Variants in NCKAP5 observed in about 807,000 individuals in gnomAD.
NCKAP5 encodes nck-associated protein 5.
NCKAP5 carries 92 observed loss-of-function variants against 167.0 expected under a neutral mutation model. The observed-to-expected ratio is 0.55, with a 90% CI of 0.47 to 0.66. The LOEUF (loss-of-function observed/expected upper bound fraction) is 0.66. Among genes scored for constraint, NCKAP5 ranks in the 30% least tolerant of loss-of-function variants. The pLI is 0.00. For synonymous variants in NCKAP5, 891 were observed against 877.4 expected (o/e 1.02, Z -0.27); for missense variants, 2,378 against 2,315.0 (o/e 1.03, Z -0.56).
intron 3 of NCKAP5, among the ~76,000 whole-genome samples, chr2:133,421,338 C>G (rs1689464387): frequency 6.6e-6 from 1 of 151,896 alleles, no homozygotes; most frequent in South Asian, 2.1e-4. Context: ...ACACATGTCT[C>G]TAATCATTAA....
chr2:132,927,140 A>G (rs138034609), intron 8 of NCKAP5, among the ~76,000 whole-genome samples: 51 of 152,076 alleles, frequency 3.4e-4, no homozygotes, highest in East Asian at 1.5e-3. Context: ...TTCTTAGTGT[A>G]TGTTTCTGTC....
At chr2:133,542,209 C>T (rs1686283597) in intron 2 of NCKAP5, among the ~76,000 whole-genome samples, 1 of 152,238 alleles carries the variant, frequency 6.6e-6, no homozygotes, top group South Asian at 2.1e-4. Flanking sequence ...ATGTCTATGA[C>T]AATACAGTTA....
chr2:132,992,155 A>G (rs750328122), intron 7 of NCKAP5, among the ~76,000 whole-genome samples: 6 of 152,210 alleles, frequency 3.9e-5, no homozygotes, highest in Non-Finnish European at 8.8e-5. Context: ...CCTGAGGCCA[A>G]TTAAAGGAAT....
intron 11 of NCKAP5, among the ~76,000 whole-genome samples, chr2:132,820,127 A>G (rs1315457679): frequency 1.3e-5 from 2 of 152,196 alleles, no homozygotes; most frequent in Non-Finnish European, 2.9e-5. Context: ...CAGAGGATGA[A>G]AGCTTTATAT....
At chr2:133,041,527 A>G (rs956295374) in intron 6 of NCKAP5, among the ~76,000 whole-genome samples, 6 of 152,222 alleles carry the variant, frequency 3.9e-5, no homozygotes, top group African/African-American at 1.2e-4. Context: ...TATTTATACA[A>G]GAGAAATATG....
chr2:133,278,272 C>T (rs1574582005), intron 4 of NCKAP5, among the ~76,000 whole-genome samples: 1 of 152,310 alleles, frequency 6.6e-6, no homozygotes, highest in Middle Eastern at 3.4e-3. Flanking sequence ...CCACAGGCCT[C>T]ACTGATGTAA....
chr2:132,887,747 A>G (rs921882584), intron 8 of NCKAP5, among the ~76,000 whole-genome samples: 2 of 152,162 alleles, frequency 1.3e-5, no homozygotes, highest in African/African-American at 4.8e-5. Flanking sequence ...CCTGGGTTCA[A>G]GTGATCCTCC....
intron 6 of NCKAP5, among the ~76,000 whole-genome samples, chr2:133,111,747 T>C (rs1251727972): frequency 6.6e-6 from 1 of 152,212 alleles, no homozygotes; most frequent in Non-Finnish European, 1.5e-5. Context: ...TGTAATCATT[T>C]CCAATTTCAT....
intron 8 of NCKAP5, among the ~76,000 whole-genome samples, chr2:132,946,963 T>C (rs935546162): frequency 8.5e-5 from 13 of 152,216 alleles, no homozygotes; most frequent in Non-Finnish European, 1.3e-4. Context: ...GTGAGAGTTA[T>C]AAAACATTAG....
intron 6 of NCKAP5, among the ~76,000 whole-genome samples, chr2:133,074,635 T>C (rs915853360): frequency 4.6e-5 from 7 of 152,186 alleles, no homozygotes; most frequent in African/African-American, 1.7e-4. Flanking sequence ...GTGCAGGTAT[T>C]ACAGGTGTGA....
rs565713395 is a variant in NCKAP5, at chr2:133,512,860, A to G, written c.69+4598T>C. Among the ~76,000 whole-genome samples, 24 of 152,084 alleles carry G rather than the reference A, an allele frequency of 1.6e-4. No homozygotes were observed. In the East Asian group the frequency reaches 3.3e-3, roughly 21 times the overall value. On this transcript the variant is annotated intron_variant, in intron 3 of 19. Coordinates refer to ENST00000409261, the MANE Select transcript of NCKAP5 (RefSeq NM_207363.3). ...ACTACAGCTCCCCCATGGCCCCTCC[A>G]TGTAGTTGCACAGCTCCAACTACCG...
At chr2:133,127,320 T>C (rs528647895) in intron 6 of NCKAP5, among the ~76,000 whole-genome samples, 7 of 152,354 alleles carry the variant, frequency 4.6e-5, no homozygotes, top group African/African-American at 1.4e-4. Flanking sequence ...TGTGTAATTA[T>C]CTGTTACATA....
At chr2:132,922,066 A>G (rs1695477166) in intron 8 of NCKAP5, among the ~76,000 whole-genome samples, 1 of 152,188 alleles carries the variant, frequency 6.6e-6, no homozygotes, top group Non-Finnish European at 1.5e-5. Context: ...GATGGACAGA[A>G]AAAGACACCT....
the NCKAP5 span, among the ~76,000 whole-genome samples, chr2:133,674,700 T>C: frequency 2.0e-4 from 30 of 152,128 alleles, no homozygotes; most frequent in South Asian, 6.3e-4. Context: ...ACAGGGATGC[T>C]GAATGTTTCA....
chr2:132,812,554 T>C (rs10193421), intron 11 of NCKAP5, among the ~76,000 whole-genome samples: 40,612 of 152,054 alleles, frequency 0.27, 5,954 homozygotes, highest in African/African-American at 0.4. Flanking sequence ...AAGGTGCTCA[T>C]CAGACAGGCG....
At chr2:133,320,455 G>A (rs1429303164) in intron 3 of NCKAP5, among the ~76,000 whole-genome samples, 1 of 152,174 alleles carries the variant, frequency 6.6e-6, no homozygotes, top group East Asian at 1.9e-4. Context: ...TTGGCTGGGT[G>A]CGGTGGCTCA....
chr2:133,611,125 GA>G, the NCKAP5 span, among the ~76,000 whole-genome samples: 95,397 of 151,310 alleles, frequency 0.63, 31,116 homozygotes, highest in Middle Eastern at 0.78. Flanking sequence ...GTTAATGCCC[GA>G]AAAAAAAAGG....
chr2:133,205,198 C>T (rs774833787), intron 5 of NCKAP5, among the ~76,000 whole-genome samples: 1 of 152,006 alleles, frequency 6.6e-6, no homozygotes, highest in Non-Finnish European at 1.5e-5. Context: ...GAGGCTGAGG[C>T]AGGTGGGTCG....
At chr2:133,324,758 C>T (rs1025292251) in intron 3 of NCKAP5, among the ~76,000 whole-genome samples, 4 of 151,822 alleles carry the variant, frequency 2.6e-5, no homozygotes, top group African/African-American at 7.3e-5. Context: ...CTGGCTCTGT[C>T]GCCCAGGCTG....
Sources: allele counts gnomAD v4.1 joint callset (sites outside exome capture counted in the v4.1 genomes callset), GRCh38; gene constraint gnomAD v4.1.1; transcripts MANE v1.5; gene names NCBI Gene and HGNC (gene_info 2026-07-23, HGNC 2026-07-21).